The following ARHGEF10 variants were observed in gnomAD, a reference collection of about 807,000 sequenced individuals.
The protein encoded by ARHGEF10 is Rho guanine nucleotide exchange factor (GEF) 10.
ARHGEF10 carries 140 observed loss-of-function variants against 147.4 expected under a neutral mutation model. The ratio of observed to expected loss-of-function variants is 0.95; its 90% CI spans 0.83 to 1.09. The LOEUF is 1.09. ARHGEF10 is among the 50% of genes least tolerant of loss of function. The pLI is 0.00. For synonymous variants in ARHGEF10, 902 were observed against 695.8 expected (o/e 1.30, Z -4.67); for missense variants, 2,222 against 1,752.7 (o/e 1.27, Z -4.78).
chr8:1,926,516 T>C (rs772906424), intron 23 of ARHGEF10, 53 bp downstream of exon 23: 37 of 1,529,468 alleles, frequency 2.4e-5, no homozygotes, highest in Non-Finnish European at 2.7e-5. Flanking sequence ...TCAACGTTCA[T>C]GGTCGGTGTG....
intron 1 of ARHGEF10, among the ~76,000 whole-genome samples, chr8:1,834,666 G>A (rs1368192550): frequency 6.6e-6 from 1 of 152,266 alleles, no homozygotes; most frequent in Non-Finnish European, 1.5e-5. Context: ...GGAAAGGACT[G>A]GCGTGTTTGG....
At chr8:1,905,037 G>A (rs762532127) in intron 16 of ARHGEF10, among the ~76,000 whole-genome samples, 1 of 152,198 alleles carries the variant, frequency 6.6e-6, no homozygotes, top group Non-Finnish European at 1.5e-5. Context: ...GCTGAGGCAC[G>A]AGAATCAATT....
At chr8:1,850,239 CA>C (rs1804999630) in intron 2 of ARHGEF10, among the ~76,000 whole-genome samples, 1 of 131,024 alleles carries the variant, frequency 7.6e-6, no homozygotes, top group Non-Finnish European at 1.7e-5. Context: ...GGGCGTGGGG[CA>C]GTCGCGTGGA....
chr8:1,888,149 TGGGGCGAGGGTTGC>T (rs1808888879), intron 11 of ARHGEF10, among the ~76,000 whole-genome samples: 1 of 90,344 alleles, frequency 1.1e-5, no homozygotes, highest in African/African-American at 4.3e-5. Context: ...AGACACTTAG[TGGGGCGAGGGTTGC>T]GAGGAGACAG....
chr8:1,906,970 C>A (rs1032659782), intron 17 of ARHGEF10, among the ~76,000 whole-genome samples: 2 of 152,192 alleles, frequency 1.3e-5, no homozygotes, highest in African/African-American at 4.8e-5. Flanking sequence ...TGACTCATAC[C>A]CCATGGCTTG....
chr8:1,830,136 C>T (rs1426183926), intron 1 of ARHGEF10, among the ~76,000 whole-genome samples: 2 of 152,232 alleles, frequency 1.3e-5, no homozygotes, highest in African/African-American at 4.8e-5. Context: ...GGCAAGGACT[C>T]CTGGTGACAA....
intron 2 of ARHGEF10, among the ~76,000 whole-genome samples, chr8:1,849,993 G>C (rs1483098483): frequency 4.2e-4 from 40 of 96,384 alleles, no homozygotes; most frequent in South Asian, 8.5e-4. Context: ...TGGACACAGA[G>C]GGCAAATGCT....
intron 18 of ARHGEF10, among the ~76,000 whole-genome samples, chr8:1,913,898 G>A (rs549103941): frequency 6.6e-6 from 1 of 152,332 alleles, no homozygotes; most frequent in Admixed American, 6.5e-5. Flanking sequence ...CTTGTACCGT[G>A]AGGAGGGTGA....
At chr8:1,848,678 A>T (rs1804740392) in intron 2 of ARHGEF10, among the ~76,000 whole-genome samples, 1 of 152,246 alleles carries the variant, frequency 6.6e-6, no homozygotes, top group Non-Finnish European at 1.5e-5. Flanking sequence ...TAGAATAAAA[A>T]CTAAAATATA....
At chr8:1,869,758 C>A in intron 7 of ARHGEF10, 1 of 211,560 alleles carries the variant, frequency 4.7e-6, no homozygotes, top group Admixed American at 5.3e-5. Context: ...GGGTGAATCT[C>A]CCGAGAGCAA....
In ARHGEF10 at chr8:1,882,618, C is replaced by T; in HGVS notation, c.961-17C>T. On this transcript the variant is annotated splice_polypyrimidine_tract_variant and intron_variant, in intron 9 of 28. Transcript: ENST00000349830. ...TTCTGCCGCCGTCCCGTTCTCACAT[C>T]TCCCTCTCCGTCGCAGATGCAGAAG... 1 of 1,549,378 alleles carries T rather than the reference C, an allele frequency of 6.5e-7. No homozygotes were observed. Among genetic ancestry groups the T allele is most frequent in the South Asian group, 1.2e-5 (1 of 84,026 alleles).
chr8:1,954,530 C>A (rs1474755511), intron 28 of ARHGEF10, among the ~76,000 whole-genome samples: 1 of 152,044 alleles, frequency 6.6e-6, no homozygotes, highest in East Asian at 1.9e-4. Context: ...TGACACTCAG[C>A]CTGTAAATAC....
intron 26 of ARHGEF10, among the ~76,000 whole-genome samples, chr8:1,941,787 G>C (rs998045387): frequency 1.3e-5 from 2 of 152,198 alleles, no homozygotes; most frequent in African/African-American, 2.4e-5. Context: ...ATAGACCGGA[G>C]ACCACGTGTG....
chr8:1,892,117 G>A (rs1046092841), intron 11 of ARHGEF10, among the ~76,000 whole-genome samples: 13 of 151,782 alleles, frequency 8.6e-5, no homozygotes, highest in Middle Eastern at 3.5e-3. Flanking sequence ...AGAGTGTTTG[G>A]GAATCTGAAT....
At chr8:1,848,531 AT>A in intron 2 of ARHGEF10, among the ~76,000 whole-genome samples, 1 of 152,298 alleles carries the variant, frequency 6.6e-6, no homozygotes, top group South Asian at 2.1e-4. Flanking sequence ...TTTGTTGTTT[AT>A]TCAGTGAATG....
chr8:1,823,617 TG>T (rs1802537402), upstream of ARHGEF10, among the ~76,000 whole-genome samples: 1 of 149,406 alleles, frequency 6.7e-6, no homozygotes, highest in African/African-American at 2.5e-5. Flanking sequence ...ATCCAGATGT[TG>T]GGGGCGGGGA....
intron 26 of ARHGEF10, among the ~76,000 whole-genome samples, chr8:1,939,560 C>T (rs1563316009): frequency 1.3e-5 from 2 of 152,242 alleles, no homozygotes; most frequent in South Asian, 2.1e-4. Flanking sequence ...AGCAGCAAAG[C>T]GTCAAGCCAA....
upstream of ARHGEF10, among the ~76,000 whole-genome samples, chr8:1,823,451 G>C (rs180813808): frequency 3.7e-5 from 5 of 136,120 alleles, no homozygotes; most frequent in African/African-American, 8.3e-5. Context: ...CGATGTTCTG[G>C]GGGGGGGAGC....
chr8:1,831,623 G>A (rs568672941), intron 1 of ARHGEF10, among the ~76,000 whole-genome samples: 6 of 152,236 alleles, frequency 3.9e-5, no homozygotes, highest in South Asian at 2.1e-4. Flanking sequence ...TGGAGGGGCC[G>A]TGCACAGTGA....
Sources: allele counts gnomAD v4.1 joint callset (sites outside exome capture counted in the v4.1 genomes callset), GRCh38; gene constraint gnomAD v4.1.1; transcripts MANE v1.5; gene names NCBI Gene and HGNC (gene_info 2026-07-23, HGNC 2026-07-21).